The following TCF25 variants were observed in gnomAD, a reference collection of about 807,000 sequenced individuals.
TCF25 encodes ribosome quality control complex subunit TCF25.
A neutral mutation model predicts 83.1 loss-of-function variants in TCF25; 41 were observed. That is an observed-to-expected ratio of 0.49 (90% confidence interval 0.38 to 0.64). The LOEUF is 0.64. TCF25 is among the 30% of genes least tolerant of loss of function. The pLI, the probability that TCF25 is intolerant of heterozygous loss-of-function variation, is 0.00. For synonymous variants in TCF25, 458 were observed against 365.0 expected, an observed-to-expected ratio of 1.25 and a Z score of -2.90; for missense variants, 979 against 914.5, an observed-to-expected ratio of 1.07 and a Z score of -0.91.
chr16:89,910,422 G>T, intron 16 of TCF25, 169 bp from the exon 17 acceptor site: 1 of 659,640 alleles, frequency 1.5e-6, no homozygotes, highest in South Asian at 1.8e-5. Context: ...GAAGCCTCAC[G>T]GGCCACCCGG....
At chr16:89,886,726 C>A (rs1035588756) in intron 4 of TCF25, among the ~76,000 whole-genome samples, 3 of 151,768 alleles carry the variant, frequency 2.0e-5, no homozygotes, top group African/African-American at 7.3e-5. Flanking sequence ...TGTGCCACTG[C>A]ACTCCAGCCT....
At chr16:89,884,701 CCCCTCTCCCTCTGCCTGACG>C (rs765961206) in intron 3 of TCF25, 45 bp downstream of exon 3, 413 of 1,524,220 alleles carry the variant, frequency 2.7e-4, no homozygotes, top group East Asian at 1.4e-3. Flanking sequence ...CTGCCTGACG[CCCCTCTCCCTCTGCCTGACG>C]CCCTCTCCCT....
intron 1 of TCF25, among the ~76,000 whole-genome samples, chr16:89,875,521 T>G (rs959193813): frequency 7.6e-6 from 1 of 132,006 alleles, no homozygotes; most frequent in Non-Finnish European, 1.6e-5. Context: ...GAGTTTTTTT[T>G]TTTTTTTTTT....
rs550677732 is a variant in TCF25, at chr16:89,898,567, C to T, written c.1033C>T (p.Leu345=). 27 of 1,613,042 alleles carry T rather than the reference C, an allele frequency of 1.7e-5. No homozygotes were observed. The South Asian group carries it at 2.3e-4, about 14-fold the overall frequency. Residue 345 remains leucine (L), a synonymous_variant, in exon 10 of 18, where the codon CTG becomes TTG. Coordinates refer to ENST00000263346, the MANE Select transcript of TCF25 (RefSeq NM_014972.3). The part of the protein sequence containing the change: ...YRRPENRSFY[L]ALYKQMSFLE... Reference sequence around the variant, plus strand: ...CTATTTTGGATCTAGGAGCTTCTACCTGGCCCTCTACAAGCAGATGAGCTT... The same window carrying T: ...CTATTTTGGATCTAGGAGCTTCTACTTGGCCCTCTACAAGCAGATGAGCTT...
At chr16:89,900,846 G>A (rs773640893) in intron 12 of TCF25, 52 bp downstream of exon 12, 3 of 1,469,366 alleles carry the variant, frequency 2.0e-6, no homozygotes, top group East Asian at 4.6e-5. Context: ...TGTCAGCCGT[G>A]GGGGCTGCTC....
intron 9 of TCF25, 46 bp from the exon 10 acceptor site, chr16:89,898,511 T>C: frequency 2.0e-6 from 3 of 1,463,606 alleles, no homozygotes; most frequent in Non-Finnish European, 2.8e-6. Flanking sequence ...CAGAGAGCAT[T>C]CTCCTTTGTG....
At chr16:89,876,117 T>A (rs995005558) in intron 1 of TCF25, among the ~76,000 whole-genome samples, 1 of 152,110 alleles carries the variant, frequency 6.6e-6, no homozygotes, top group Non-Finnish European at 1.5e-5. Flanking sequence ...CACAAACCCT[T>A]GTGGACTTTC....
intron 14 of TCF25, among the ~76,000 whole-genome samples, chr16:89,905,352 C>T (rs986702261): frequency 2.6e-5 from 4 of 152,108 alleles, no homozygotes; most frequent in African/African-American, 7.2e-5. Context: ...GTGGTGCCTT[C>T]GGGTCTTGCA....
At chr16:89,882,004 C>T (rs979071095) in intron 1 of TCF25, among the ~76,000 whole-genome samples, 3 of 152,142 alleles carry the variant, frequency 2.0e-5, no homozygotes, top group Admixed American at 6.5e-5. Context: ...CCACCCACCT[C>T]GGCCTCCCAA....
chr16:89,905,726 T>C (rs1319172960), intron 14 of TCF25, among the ~76,000 whole-genome samples: 4 of 152,200 alleles, frequency 2.6e-5, no homozygotes, highest in Non-Finnish European at 5.9e-5. Context: ...CTGGCAGTCA[T>C]GGGCCCGTCC....
chr16:89,902,819 A>G (rs1269925285), intron 12 of TCF25, among the ~76,000 whole-genome samples: 4 of 152,128 alleles, frequency 2.6e-5, no homozygotes, highest in Non-Finnish European at 5.9e-5. Flanking sequence ...TGCAGCTAGT[A>G]TACACACATT....
chr16:89,900,378 A>C (rs1801404239), intron 11 of TCF25, among the ~76,000 whole-genome samples: 1 of 151,030 alleles, frequency 6.6e-6, no homozygotes, highest in Non-Finnish European at 1.5e-5. Context: ...TGGGACCCTC[A>C]CTCCCCACGG....
Position 89,904,998 on chromosome 16 carries a change from G to T in TCF25, c.1530G>T (p.Trp510Cys). 6.2e-7 allele frequency: 1 copy of T among 1,606,668 alleles called. No individual in the cohort carries two copies. The highest frequency in any genetic ancestry group is 8.5e-7 in the Non-Finnish European group (1 of 1,177,000). The stretch of plus-strand genomic sequence containing the variant: ...ACCTTGGGAGGTCACACTTTCTCTG[G>T]AAAGAGCCCGCCACCATGAGCTGGC... ...NLYLGRSHFL[W>C]KEPATMSWLE... The change falls in exon 14 of 18, where the codon TGG becomes TGT. Residue 510 changes from tryptophan to cysteine, a missense_variant. Trp to Cys is a radical substitution (Grantham distance 215). Coordinates refer to ENST00000263346, the MANE Select transcript of TCF25 (RefSeq NM_014972.3).
At chr16:89,892,076 C>T (rs2043475255) in intron 5 of TCF25, 117 bp from the exon 6 acceptor site, 1 of 948,750 alleles carries the variant, frequency 1.1e-6, no homozygotes. Flanking sequence ...CCCTGCCCCA[C>T]ATGCCTTCTC....
intron 7 of TCF25, among the ~76,000 whole-genome samples, chr16:89,894,081 A>G (rs2043634145): frequency 6.6e-6 from 1 of 152,148 alleles, no homozygotes; most frequent in Non-Finnish European, 1.5e-5. Flanking sequence ...GAGAGGCTGG[A>G]GCGCTGCTCT....
intron 5 of TCF25, chr16:89,890,603 A>G (rs1477418298): frequency 6.6e-6 from 1 of 152,156 alleles, no homozygotes; most frequent in Non-Finnish European, 1.5e-5. Context: ...TTCTTCGGGA[A>G]TATTAATTAA....
At chr16:89,898,894 C>A (rs1270671618) in intron 11 of TCF25, 22 bp downstream of exon 11, 1 of 1,606,530 alleles carries the variant, frequency 6.2e-7, no homozygotes, top group Non-Finnish European at 8.5e-7. Flanking sequence ...CCTGGTGAGG[C>A]CCCGTGGAGG....
rs1409487735 is a variant in TCF25, at chr16:89,892,198, G to A, written c.620G>A (p.Arg207Gln). Residue 207 changes from arginine (R) to glutamine (Q), a missense_variant, in exon 6 of 18, where the codon CGG becomes CAG. By Grantham distance (43) the Arg-to-Gln change is conservative. Transcript: ENST00000263346. ...ARAILGEQRP[R>Q]QRQRVYPKCT... Reference sequence around the variant, plus strand: ...CTGTGTCCCGTTCTCCCCAGGCCACGGCAGAGACAACGTGTGTACCCCAAG... The same window carrying A: ...CTGTGTCCCGTTCTCCCCAGGCCACAGCAGAGACAACGTGTGTACCCCAAG... 3 of 1,609,978 alleles carry A rather than the reference G, an allele frequency of 1.9e-6. No homozygotes were observed. The highest frequency in any genetic ancestry group is 8.5e-7 in the Non-Finnish European group (1 of 1,178,290).
chr16:89,910,468 G>GC (rs2045471081), intron 16 of TCF25, 123 bp from the exon 17 acceptor site: 2 of 929,550 alleles, frequency 2.2e-6, no homozygotes, highest in Non-Finnish European at 3.4e-6. Context: ...CTGCTGCTCT[G>GC]CCCCCTGGCG....
Sources: allele counts gnomAD v4.1 joint callset (sites outside exome capture counted in the v4.1 genomes callset), GRCh38; gene constraint gnomAD v4.1.1; transcripts MANE v1.5; gene names NCBI Gene and HGNC (gene_info 2026-07-23, HGNC 2026-07-21).